SEC24B: variants seen among roughly 807,000 people sequenced by gnomAD.
SEC24B encodes protein transport protein Sec24B.
In SEC24B, 45 loss-of-function variants were observed where a neutral mutation model predicts 142.8. The observed-to-expected ratio is 0.32, with a 90% CI of 0.25 to 0.40. The LOEUF is 0.40. SEC24B is among the 10% of genes least tolerant of loss of function. SEC24B has a pLI of 1.00. For synonymous variants in SEC24B, 574 were observed against 568.2 expected (o/e 1.01, Z -0.15); for missense variants, 1,409 against 1,526.8 (o/e 0.92, Z 1.29).
In SEC24B at chr4:109,482,935, A is replaced by AATAT. The variant is rs1561116278; in HGVS notation, c.1165+1154_1165+1155insATAT. On this transcript the variant is annotated intron_variant, in intron 4 of 23. Transcript: ENST00000265175. ...GCATGAGCTACCTTGCCAGGCTTGT[A>AATAT]CTATATATATATATATATATATATA... 2.5e-3 allele frequency among the ~76,000 whole-genome samples: 93 copies of AATAT among 37,498 alleles called. 8 individuals are homozygous for AATAT. Among genetic ancestry groups the AATAT allele is most frequent in the Non-Finnish European group, 3.0e-3 (59 of 19,560 alleles). 24.6% of individuals were successfully genotyped at this position (37,498 alleles called of 152,430 possible). A position where few individuals can be genotyped will look rare whatever the true frequency, so the allele number is the denominator to read the frequency against.
Position 109,539,192 on chromosome 4 carries a change from C to T in SEC24B, c.3693-369C>T, listed in dbSNP as rs1020152390. On this transcript the variant is annotated intron_variant, in intron 23 of 23. Transcript: ENST00000265175. ...GGCCAGGCTGGTCTTGAACTCCTCA[C>T]CTCAGGTGATCCACCCACCTCGGCC... Among the ~76,000 whole-genome samples the T allele has an allele frequency of 2.0e-5, 3 of 152,122 alleles. No individual in the cohort carries two copies. In the South Asian group the frequency reaches 6.2e-4, roughly 31 times the overall value.
chr4:109,532,481 C>T (rs190321500), intron 20 of SEC24B, among the ~76,000 whole-genome samples, 158 bp from the exon 21 acceptor site: 115 of 152,198 alleles, frequency 7.6e-4, no homozygotes, highest in African/African-American at 2.5e-3. Flanking sequence ...TGTGTTGATT[C>T]TACAGCCAAG....
At chr4:109,521,014 C>A (rs547972578) in intron 12 of SEC24B, 103 bp from the exon 13 acceptor site, 4 of 721,312 alleles carry the variant, frequency 5.5e-6, no homozygotes, top group South Asian at 4.9e-5. Flanking sequence ...TAAAATAAAG[C>A]AAAATTATAG....
intron 4 of SEC24B, among the ~76,000 whole-genome samples, chr4:109,483,082 A>T (rs12505445): frequency 7.5e-6 from 1 of 133,942 alleles, no homozygotes; most frequent in Admixed American, 7.5e-5. Flanking sequence ...ATGTATGTAT[A>T]TATATATATT....
intron 18 of SEC24B, among the ~76,000 whole-genome samples, chr4:109,529,543 A>G (rs1456342683): frequency 6.6e-6 from 1 of 152,116 alleles, no homozygotes; most frequent in East Asian, 1.9e-4. Flanking sequence ...TTTCCCTTTC[A>G]AAAAATTTGT....
rs1725177805 is a variant in SEC24B, at chr4:109,533,684, TG to T, written c.3588+1del. 6.4e-7 allele frequency: 1 copy of T among 1,570,390 alleles called. No homozygotes were observed. On this transcript the variant is annotated frameshift_variant and splice_region_variant, in exon 22 of 24. Transcript: ENST00000265175. LOFTEE classifies it high-confidence loss of function. ...YTNFASIPQK[M>X]THLPELDTLS... Reference sequence around the variant, plus strand: ...AATTTTGCATCAATACCACAGAAAATGGTCAGTAGATTTTATACACCTTTAA... The same window carrying T: ...AATTTTGCATCAATACCACAGAAAATGTCAGTAGATTTTATACACCTTTAA...
intron 22 of SEC24B, among the ~76,000 whole-genome samples, chr4:109,534,599 A>C (rs1036826177): frequency 3.9e-5 from 6 of 152,214 alleles, no homozygotes; most frequent in Admixed American, 3.9e-4. Context: ...AAAAGAAAAA[A>C]AAATTAAAAT....
intron 11 of SEC24B, among the ~76,000 whole-genome samples, chr4:109,520,147 A>C (rs929424688): frequency 6.6e-6 from 1 of 152,218 alleles, no homozygotes; most frequent in Non-Finnish European, 1.5e-5. Context: ...AAAATGCTTA[A>C]GCAAGATATA....
At chr4:109,442,740 G>A (rs1729057870) in intron 1 of SEC24B, among the ~76,000 whole-genome samples, 2 of 151,990 alleles carry the variant, frequency 1.3e-5, no homozygotes, top group African/African-American at 4.8e-5. Flanking sequence ...TTAGAGATGT[G>A]GTTTTTGTTT....
rs1441348859 is a variant in SEC24B at position 109,463,491 on chromosome 4, C to T, written c.724C>T (p.Pro242Ser). 4 of 1,614,162 alleles carry T rather than the reference C, an allele frequency of 2.5e-6. No homozygotes were observed. The highest frequency in any genetic ancestry group is 1.1e-5 in the South Asian group (1 of 91,076). ...TATCAGCCATCCATCGCCACTTCCA[C>T]CTCTACCATCACAACAGCACCACCA... ...TAISHPSPLPPLPSQQHHQQQ... is the reference protein window; with the variant it reads ...TAISHPSPLPSLPSQQHHQQQ... The change falls in exon 2 of 24, where the codon CCT (proline) becomes TCT (serine). Residue 242 changes from proline (P) to serine (S), a missense_variant. Pro to Ser is a moderately conservative substitution (Grantham distance 74, BLOSUM62 -1). Transcript: ENST00000265175.
intron 19 of SEC24B, 117 bp from the exon 20 acceptor site, chr4:109,531,268 C>T: frequency 1.2e-6 from 1 of 807,134 alleles, no homozygotes; most frequent in Non-Finnish European, 1.9e-6. Flanking sequence ...AGAATTGAAT[C>T]TAGGTCTGTC....
At chr4:109,508,825 C>A (rs1206892420) in intron 7 of SEC24B, among the ~76,000 whole-genome samples, 1 of 152,058 alleles carries the variant, frequency 6.6e-6, no homozygotes, top group East Asian at 1.9e-4. Context: ...TATCAGCATA[C>A]TAAAATAAAT....
chr4:109,469,215 G>A (rs529637353), intron 2 of SEC24B, among the ~76,000 whole-genome samples: 28 of 152,292 alleles, frequency 1.8e-4, no homozygotes, highest in African/African-American at 5.8e-4. Context: ...AGTGCATTTC[G>A]CGTAGTCCAG....
At chr4:109,468,956 G>A (rs1465372982) in intron 2 of SEC24B, among the ~76,000 whole-genome samples, 1 of 152,016 alleles carries the variant, frequency 6.6e-6, no homozygotes, top group Admixed American at 6.6e-5. Flanking sequence ...TGTTATGCAT[G>A]AAGAAGTGAA....
At chr4:109,462,152 T>C (rs1731324917) in intron 1 of SEC24B, among the ~76,000 whole-genome samples, 1 of 152,084 alleles carries the variant, frequency 6.6e-6, no homozygotes, top group Admixed American at 6.5e-5. Context: ...ACCATGATCA[T>C]GCCATCGCGC....
chr4:109,505,947 A>G (rs933995544), intron 6 of SEC24B, among the ~76,000 whole-genome samples: 14 of 152,318 alleles, frequency 9.2e-5, no homozygotes, highest in Admixed American at 9.2e-4. Context: ...GGCAAAACCT[A>G]TTGAACACGA....
Position 109,513,833 on chromosome 4 carries a change from T to A in SEC24B, c.1990T>A (p.Phe664Ile). 6.2e-7 allele frequency: 1 copy of A among 1,607,614 alleles called. No homozygotes were observed. The highest frequency in any genetic ancestry group is 2.2e-5 in the East Asian group (1 of 44,772). ...AGAAGTTCAGAATTCAACTGTGGAG[T>A]TCATTGCTTCTTCAGATTACATGGT... ...RPEVQNSTVE[F>I]IASSDYMLRP... Residue 664 changes from phenylalanine to isoleucine, a missense_variant, in exon 10 of 24, where the codon TTC becomes ATC. Transcript: ENST00000265175.
chr4:109,455,800 G>A (rs1490866188), intron 1 of SEC24B, among the ~76,000 whole-genome samples: 3 of 152,182 alleles, frequency 2.0e-5, no homozygotes, highest in East Asian at 3.9e-4. Context: ...TATAAAGTAA[G>A]CCTTAAAATT....
rs949393060 is a variant in SEC24B, at chr4:109,534,542, G to C, written c.3588+857G>C. Among the ~76,000 whole-genome samples the C allele has an allele frequency of 6.6e-5, 10 of 152,016 alleles. No homozygotes were observed. In the East Asian group the frequency reaches 1.7e-3, roughly 27 times the overall value. ...GCGGAGCTTGCAGTGAGCCGAGATC[G>C]TGCCACTGCACTCCAGCCTGGGTGA... On this transcript the variant is annotated intron_variant, in intron 22 of 23. Coordinates refer to ENST00000265175, the MANE Select transcript of SEC24B (RefSeq NM_006323.5).
Sources: gnomAD v4.1 joint callset for allele counts (sites outside exome capture counted in the v4.1 genomes callset) on GRCh38, gnomAD v4.1.1 for gene constraint, MANE v1.5 for transcripts, NCBI Gene and HGNC (gene_info 2026-07-23, HGNC 2026-07-21) for gene names.